WDFY3: variants seen among roughly 807,000 people sequenced by gnomAD.
WDFY3 encodes the protein WD repeat and FYVE domain-containing protein 3.
In WDFY3, 66 loss-of-function variants were observed where a neutral mutation model predicts 409.6. The observed-to-expected ratio is 0.16, with a 90% confidence interval of 0.13 to 0.20. The LOEUF (loss-of-function observed/expected upper bound fraction) is 0.20, where lower values mean the gene tolerates loss of function less well. WDFY3 is among the 10% of genes least tolerant of loss of function. WDFY3 has a pLI of 1.00. For synonymous variants in WDFY3, 1,521 were observed against 1,537.1 expected (o/e 0.99, Z 0.25); for missense variants, 3,031 against 4,298.1 (o/e 0.71, Z 8.24).
At chr4:84,753,916 A>G (rs750963783) in intron 34 of WDFY3, 40 bp from the exon 35 acceptor site, 1 of 1,494,684 alleles carries the variant, frequency 6.7e-7, no homozygotes, top group South Asian at 1.4e-5. Context: ...TGTTACAGTT[A>G]TTGACACTGC....
In WDFY3 at chr4:84,810,145, A is replaced by G; in HGVS notation, c.2087T>C (p.Met696Thr). ...HTVFCTLTAA[M>T]RYEPANSHFF... Reference sequence around the variant, plus strand: ...ATGAGAGTTGGCTGGCTCATAGCGCATTGCTGCAGTCAACGTGCAGAACAC... The same window carrying G: ...ATGAGAGTTGGCTGGCTCATAGCGCGTTGCTGCAGTCAACGTGCAGAACAC... Residue 696 changes from methionine to threonine, a missense_variant, in exon 14 of 68, where the codon ATG becomes ACG. This residue lies in a region of WDFY3 where 1,322 missense variants were observed against 1,697.9 expected (regional missense o/e 0.78). Transcript: ENST00000295888. 6.2e-7 allele frequency: 1 copy of G among 1,614,176 alleles called. No individual in the cohort carries two copies.
At chr4:84,677,110 C>T in intron 67 of WDFY3, 89 bp downstream of exon 67, 2 of 1,502,102 alleles carry the variant, frequency 1.3e-6, no homozygotes, top group Non-Finnish European at 1.8e-6. Context: ...GTGGGGACGC[C>T]AGGGCAAATC....
At chr4:84,941,351 T>C (rs910526778) in intron 1 of WDFY3, among the ~76,000 whole-genome samples, 7 of 151,956 alleles carry the variant, frequency 4.6e-5, no homozygotes, top group Admixed American at 1.3e-4. Flanking sequence ...CTAAAAGTTA[T>C]AGATAAAGAG....
chr4:84,789,340 A>C (rs1748083030), intron 22 of WDFY3, among the ~76,000 whole-genome samples: 1 of 152,198 alleles, frequency 6.6e-6, no homozygotes. Flanking sequence ...TTCTAGCTCT[A>C]AAGAATGTAA....
chr4:84,808,272 T>C (rs1269196448), intron 15 of WDFY3, 62 bp downstream of exon 15: 2 of 1,290,906 alleles, frequency 1.5e-6, no homozygotes, highest in African/African-American at 1.5e-5. Flanking sequence ...TTAACATAAA[T>C]AAGCACAGAA....
intron 32 of WDFY3, among the ~76,000 whole-genome samples, chr4:84,763,094 C>T (rs1742984190): frequency 6.6e-6 from 1 of 152,116 alleles, no homozygotes; most frequent in African/African-American, 2.4e-5. Flanking sequence ...CCTCTCCTCT[C>T]ACATTATTTT....
chr4:84,687,940 A>G (rs1728604557), intron 62 of WDFY3, 146 bp downstream of exon 62: 20 of 837,464 alleles, frequency 2.4e-5, no homozygotes. Flanking sequence ...CCTACAGCCC[A>G]GAAGTCCTGG....
rs200220923 is a variant in WDFY3 at position 84,736,511 on chromosome 4, G to A, written c.6758-184C>T. 4.6e-5 allele frequency among the ~76,000 whole-genome samples: 7 copies of A among 150,944 alleles called. No individual in the cohort carries two copies. In the East Asian group the frequency reaches 5.8e-4, roughly 13 times the overall value. On this transcript the variant is annotated intron_variant, in intron 41 of 67. Coordinates refer to ENST00000295888, the MANE Select transcript of WDFY3 (RefSeq NM_014991.6). ...TTGGTAATCTTAAGGATGACTGCTC[G>A]CAAATTGTATTAGCTGAACTGATAG...
At chr4:84,760,464 T>G (rs1381658268) in intron 32 of WDFY3, among the ~76,000 whole-genome samples, 12 of 152,122 alleles carry the variant, frequency 7.9e-5, no homozygotes, top group African/African-American at 2.9e-4. Context: ...AGCTATTGAT[T>G]ATTGCCACAA....
chr4:84,680,118 T>C (rs1361463444), intron 64 of WDFY3, among the ~76,000 whole-genome samples: 5 of 152,080 alleles, frequency 3.3e-5, no homozygotes, highest in Non-Finnish European at 7.4e-5. Flanking sequence ...CTTGAACTCC[T>C]GACCTCATGA....
intron 2 of WDFY3, among the ~76,000 whole-genome samples, chr4:84,919,255 T>C (rs924293621): frequency 6.6e-6 from 1 of 151,964 alleles, no homozygotes; most frequent in Admixed American, 6.6e-5. Flanking sequence ...AAACAATACA[T>C]ATAGATAAAT....
intron 4 of WDFY3, among the ~76,000 whole-genome samples, chr4:84,850,935 T>G (rs1359246900): frequency 3.9e-5 from 2 of 50,750 alleles, no homozygotes; most frequent in South Asian, 5.9e-4. Context: ...TCTGTTTTTT[T>G]TTTTTTTTTT....
chr4:84,860,760 A>G (rs1760494369), intron 3 of WDFY3, 138 bp from the exon 4 acceptor site: 1 of 832,914 alleles, frequency 1.2e-6, no homozygotes, highest in African/African-American at 1.8e-5. Flanking sequence ...TTTAAACAGA[A>G]AAGACAGAGA....
intron 5 of WDFY3, 131 bp downstream of exon 5, chr4:84,849,771 G>A: frequency 7.8e-7 from 1 of 1,276,494 alleles, no homozygotes. Context: ...TCTAAGAAAG[G>A]GAAAGGGAAT....
In WDFY3 at chr4:84,751,599, G is replaced by C; in HGVS notation, c.5857C>G (p.Leu1953Val). 1 of 1,614,198 alleles carries C rather than the reference G, an allele frequency of 6.2e-7. No homozygotes were observed. The highest frequency in any genetic ancestry group is 8.5e-7 in the Non-Finnish European group (1 of 1,180,034). The part of the protein sequence containing the change: ...EYCNVGTKTY[L>V]TNHPAKKFVF... The stretch of plus-strand genomic sequence containing the variant: ...AACTTTTTAGCCGGGTGATTGGTCA[G>C]ATATGTCTTGGTGCCCACATTGCAG... Residue 1953 changes from leucine (L) to valine (V), a missense_variant, in exon 36 of 68, where the codon CTG becomes GTG. Coordinates refer to ENST00000295888, the MANE Select transcript of WDFY3 (RefSeq NM_014991.6).
intron 38 of WDFY3, 52 bp downstream of exon 38, chr4:84,741,709 T>C (rs568268875): frequency 6.0e-6 from 9 of 1,495,842 alleles, no homozygotes; most frequent in Admixed American, 4.3e-5. Context: ...TTTGACACCA[T>C]AGGCAAAACA....
At position 84,920,193 on chromosome 4, in the gene WDFY3, C is replaced by A. The variant is rs186199029; in HGVS notation, c.-132+12077G>T. 4.3e-3 allele frequency among the ~76,000 whole-genome samples: 656 copies of A among 152,094 alleles called. 3 individuals carry two copies. The highest frequency in any genetic ancestry group is 5.6e-3 in the Non-Finnish European group (382 of 67,958). On this transcript the variant is annotated intron_variant, in intron 2 of 67. Transcript: ENST00000295888. Reference sequence around the variant, plus strand: ...GTACTAAAAAGACATCAAATATAAACGCAAGATATGATCATTGACTAATTC... The same window carrying A: ...GTACTAAAAAGACATCAAATATAAAAGCAAGATATGATCATTGACTAATTC...
intron 14 of WDFY3, 124 bp downstream of exon 14, chr4:84,809,763 C>G: frequency 1.1e-6 from 1 of 903,908 alleles, no homozygotes; most frequent in East Asian, 2.7e-5. Flanking sequence ...TGATACACTT[C>G]AAACAAATAG....
At chr4:84,684,800 C>A (rs1316645295) in intron 62 of WDFY3, among the ~76,000 whole-genome samples, 1 of 152,096 alleles carries the variant, frequency 6.6e-6, no homozygotes, top group Non-Finnish European at 1.5e-5. Context: ...AAAGAACAAC[C>A]TATTTTCTTA....
Sources: gnomAD v4.1 joint callset for allele counts (sites outside exome capture counted in the v4.1 genomes callset) on GRCh38, gnomAD v4.1.1 for gene constraint, gnomAD v4.1.1 regional missense constraint, MANE v1.5 for transcripts, NCBI Gene and HGNC (gene_info 2026-07-23, HGNC 2026-07-21) for gene names.